Variants in GOLM2 observed in about 807,000 individuals in gnomAD.
The protein encoded by GOLM2 is protein GOLM2.
Under a neutral mutation model 55.9 loss-of-function variants are expected in GOLM2, and 26 were observed. That is an observed-to-expected ratio of 0.47 (90% CI 0.34 to 0.65). The LOEUF (loss-of-function observed/expected upper bound fraction) is 0.65, where lower values mean the gene tolerates loss of function less well. GOLM2 is among the 30% of genes least tolerant of loss of function. GOLM2 has a pLI of 0.01. For missense variants in GOLM2, 486 were observed against 531.8 expected (o/e 0.91, Z 0.85); for synonymous variants, 165 against 194.6 (o/e 0.85, Z 1.27).
intron 6 of GOLM2, among the ~76,000 whole-genome samples, chr15:44,359,415 G>A (rs1177295570): frequency 1.5e-4 from 23 of 151,640 alleles, no homozygotes; most frequent in African/African-American, 4.4e-4. Context: ...GTGAAACCCC[G>A]TCTCTACTAA....
At chr15:44,357,500 A>T (rs1047827379) in intron 6 of GOLM2, among the ~76,000 whole-genome samples, 3 of 152,216 alleles carry the variant, frequency 2.0e-5, no homozygotes, top group Non-Finnish European at 4.4e-5. Flanking sequence ...CAAGGCAAGG[A>T]TGTGCCTTCT....
intron 4 of GOLM2, among the ~76,000 whole-genome samples, chr15:44,337,068 G>T (rs895340958): frequency 6.6e-6 from 1 of 151,990 alleles, no homozygotes; most frequent in African/African-American, 2.4e-5. Flanking sequence ...ATGTTGACTA[G>T]AGGAACCTGT....
chr15:44,376,511 A>G (rs1390605773), intron 6 of GOLM2, among the ~76,000 whole-genome samples: 5 of 152,138 alleles, frequency 3.3e-5, no homozygotes, highest in Non-Finnish European at 1.5e-5. Flanking sequence ...GCCTCCTAAA[A>G]TATTGGGATT....
chr15:44,310,761 G>A (rs1595619387), intron 1 of GOLM2, among the ~76,000 whole-genome samples: 1 of 151,478 alleles, frequency 6.6e-6, no homozygotes, highest in Admixed American at 6.6e-5. Flanking sequence ...GCTCACGCCT[G>A]TAATCCCAGC....
intron 6 of GOLM2, among the ~76,000 whole-genome samples, chr15:44,369,067 T>TCATATATATATATA (rs1555424961): frequency 4.4e-5 from 1 of 22,960 alleles, no homozygotes; most frequent in African/African-American, 1.5e-4. Flanking sequence ...ATAGGATATA[T>TCATATATATATATA]TATATATATA....
intron 6 of GOLM2, among the ~76,000 whole-genome samples, chr15:44,373,008 A>G (rs570864139): frequency 1.3e-5 from 2 of 152,314 alleles, no homozygotes; most frequent in East Asian, 3.9e-4. Flanking sequence ...ACTCTCTATC[A>G]CATCTCCCTG....
At chr15:44,300,633 C>A (rs1324799034) in intron 1 of GOLM2, among the ~76,000 whole-genome samples, 3 of 152,214 alleles carry the variant, frequency 2.0e-5, no homozygotes, top group Non-Finnish European at 2.9e-5. Flanking sequence ...CATGTAACAT[C>A]TGTCTCCTGA....
At chr15:44,383,509 A>G (rs1384332584) in intron 8 of GOLM2, among the ~76,000 whole-genome samples, 1 of 151,990 alleles carries the variant, frequency 6.6e-6, no homozygotes, top group Non-Finnish European at 1.5e-5. Flanking sequence ...CGTTTCCTTA[A>G]AAATGTTTTA....
In GOLM2 at chr15:44,389,478, T is replaced by A. The variant is rs139671531; in HGVS notation, c.1072+8502T>A. ...GGGAAGCAGAGGTTGCAGTGAGCCATGATCACGCCACTGCACTCCAGCTTA... is the reference window on the plus strand; with the variant it reads ...GGGAAGCAGAGGTTGCAGTGAGCCAAGATCACGCCACTGCACTCCAGCTTA... On this transcript the variant is annotated intron_variant, in intron 8 of 9. Transcript: ENST00000299957. Among the ~76,000 whole-genome samples, 827 of 152,182 alleles carry A rather than the reference T, an allele frequency of 5.4e-3. 2 individuals are homozygous for A. The highest frequency in any genetic ancestry group is 0.017 in the African/African-American group (692 of 41,528).
At chr15:44,331,703 T>G (rs2079023276) in intron 3 of GOLM2, among the ~76,000 whole-genome samples, 1 of 152,100 alleles carries the variant, frequency 6.6e-6, no homozygotes, top group Admixed American at 6.6e-5. Context: ...TTTTGAAAGT[T>G]TTTTTTTAAT....
At chr15:44,367,122 C>T (rs993463475) in intron 6 of GOLM2, among the ~76,000 whole-genome samples, 1 of 151,514 alleles carries the variant, frequency 6.6e-6, no homozygotes, top group African/African-American at 2.4e-5. Context: ...TAGACATACT[C>T]ATTTGTTTAT....
At chr15:44,400,601 T>TC (rs2079558634) in intron 8 of GOLM2, among the ~76,000 whole-genome samples, 1 of 138,824 alleles carries the variant, frequency 7.2e-6, no homozygotes, top group Non-Finnish European at 1.5e-5. Context: ...TTTTTTTTTT[T>TC]AGTCTTGCTC....
At chr15:44,305,960 G>T (rs372675788) in intron 1 of GOLM2, among the ~76,000 whole-genome samples, 2 of 152,106 alleles carry the variant, frequency 1.3e-5, no homozygotes, top group Non-Finnish European at 2.9e-5. Context: ...AGGCTTTGTT[G>T]TTCCATTTAT....
In GOLM2 at chr15:44,382,470, G is replaced by A. The variant is rs1287529215; in HGVS notation, c.1072+1494G>A. On this transcript the variant is annotated intron_variant, in intron 8 of 9. Coordinates refer to ENST00000299957, the MANE Select transcript of GOLM2 (RefSeq NM_138423.4). ...TCTTCCTGAGCAGCTGGGATTACAG[G>A]TCCACATCACCATGCCTGGCTAATT... is the stretch of plus-strand genomic sequence containing the variant. 2.6e-5 allele frequency among the ~76,000 whole-genome samples: 4 copies of A among 151,918 alleles called. No individual in the cohort carries two copies. The South Asian group carries it at 6.2e-4, about 24-fold the overall frequency.
chr15:44,328,613 C>T lies in GOLM2; in HGVS notation c.383-72C>T, dbSNP rs1468017024. 2.2e-5 allele frequency: 20 copies of T among 923,244 alleles called. No individual in the cohort carries two copies. In the Admixed American group the frequency reaches 3.8e-4, roughly 18 times the overall value. The allele number at this position is 923,244 out of a possible 1,614,324, so 57.2% of individuals were successfully genotyped here. The stretch of plus-strand genomic sequence containing the variant: ...GAATTATGTATAATTAAAAAAACAT[C>T]CCATAGCTTCTGAATAGGAAGCATT... On this transcript the variant is annotated intron_variant, in intron 2 of 9. Transcript: ENST00000299957.
At chr15:44,306,051 A>G (rs1430052497) in intron 1 of GOLM2, among the ~76,000 whole-genome samples, 1 of 152,210 alleles carries the variant, frequency 6.6e-6, no homozygotes, top group Non-Finnish European at 1.5e-5. Context: ...GCTTCCACTT[A>G]AAGTCACCAG....
intron 1 of GOLM2, among the ~76,000 whole-genome samples, chr15:44,290,448 G>A (rs1049075676): frequency 2.6e-5 from 4 of 152,280 alleles, no homozygotes; most frequent in African/African-American, 9.6e-5. Context: ...TAACTTTCCT[G>A]TTGACAGCCT....
intron 6 of GOLM2, among the ~76,000 whole-genome samples, chr15:44,377,528 G>A (rs965423414): frequency 9.9e-5 from 15 of 151,986 alleles, no homozygotes; most frequent in African/African-American, 3.1e-4. Context: ...GTGCCACCAC[G>A]CCAGGCTGAA....
chr15:44,378,205 C>A (rs989204080), intron 6 of GOLM2, among the ~76,000 whole-genome samples: 24 of 151,366 alleles, frequency 1.6e-4, no homozygotes, highest in African/African-American at 5.6e-4. Flanking sequence ...CCCGCCACCA[C>A]GCCCGGCTAA....
Sources: gnomAD v4.1 joint callset for allele counts (sites outside exome capture counted in the v4.1 genomes callset) on GRCh38, gnomAD v4.1.1 for gene constraint, MANE v1.5 for transcripts, NCBI Gene and HGNC (gene_info 2026-07-23, HGNC 2026-07-21) for gene names.